PPP2R5A: variants seen among roughly 807,000 people sequenced by gnomAD.
The protein encoded by PPP2R5A is protein phosphatase 2 regulatory subunit B'alpha.
In PPP2R5A, 25 loss-of-function variants were observed where a neutral mutation model predicts 64.2. The observed-to-expected ratio is 0.39, with a 90% CI of 0.28 to 0.54. The LOEUF (loss-of-function observed/expected upper bound fraction) is 0.54, where lower values mean the gene tolerates loss of function less well. PPP2R5A is among the 20% of genes least tolerant of loss of function. The pLI, the probability that PPP2R5A is intolerant of heterozygous loss-of-function variation, is 0.67. For missense variants in PPP2R5A, 425 were observed against 576.3 expected, an observed-to-expected ratio of 0.74 and a Z score of 2.69; for synonymous variants, 198 against 201.2, an observed-to-expected ratio of 0.98 and a Z score of 0.13.
chr1:212,291,635 A>G (rs1441901420), intron 1 of PPP2R5A, among the ~76,000 whole-genome samples: 1 of 152,194 alleles, frequency 6.6e-6, no homozygotes, highest in East Asian at 1.9e-4. Context: ...CAGCCTATTA[A>G]CATTTCCTGC....
At chr1:212,314,501 G>A (rs77264571) in intron 1 of PPP2R5A, among the ~76,000 whole-genome samples, 10,164 of 151,236 alleles carry the variant, frequency 0.067, 1,122 homozygotes, top group African/African-American at 0.23. Flanking sequence ...GCCTCAAGCA[G>A]TCCTCCCACT....
In PPP2R5A at chr1:212,358,794, G is replaced by T; in HGVS notation, c.1328+7G>T. Reference sequence around the variant, plus strand: ...ACAAAGCTGAAAGACAGAGGTATTTGATATTTTGAATTACAAAATTATCTA... The same window carrying T: ...ACAAAGCTGAAAGACAGAGGTATTTTATATTTTGAATTACAAAATTATCTA... On this transcript the variant is annotated splice_region_variant and intron_variant, in intron 12 of 12. Transcript: ENST00000261461. 2 of 1,602,034 alleles carry T rather than the reference G, an allele frequency of 1.2e-6. No individual in the cohort carries two copies. Among genetic ancestry groups the T allele is most frequent in the South Asian group, 2.2e-5 (2 of 90,304 alleles).
chr1:212,361,535 G>A lies in PPP2R5A; in HGVS notation c.*765G>A, dbSNP rs1301527327. ...AAAGGCTGAAGGCAGGGCCTTTCCA[G>A]TCCTCACAACCTGTCCTTCACCTAG... is the stretch of plus-strand genomic sequence containing the variant. On this transcript the variant is annotated 3_prime_UTR_variant, in exon 13 of 13. Transcript: ENST00000261461. 1 of 152,670 alleles carries A rather than the reference G, an allele frequency of 6.6e-6. No homozygotes were observed. The highest frequency in any genetic ancestry group is 1.5e-5 in the Non-Finnish European group (1 of 68,062). The allele number at this position is 152,670 out of a possible 1,614,324, so 9.5% of individuals were successfully genotyped here.
intron 11 of PPP2R5A, chr1:212,358,190 C>T (rs1571615686): frequency 6.6e-6 from 1 of 152,348 alleles, no homozygotes; most frequent in Admixed American, 6.5e-5. Flanking sequence ...AGAGGATACA[C>T]AAACTACTCC....
intron 1 of PPP2R5A, among the ~76,000 whole-genome samples, chr1:212,298,916 C>T (rs1341279621): frequency 3.6e-5 from 1 of 27,962 alleles, no homozygotes; most frequent in Non-Finnish European, 6.7e-5. Flanking sequence ...GGCGGCTGGC[C>T]GGGCGGGGGG....
intron 1 of PPP2R5A, among the ~76,000 whole-genome samples, chr1:212,298,092 C>A: frequency 2.4e-5 from 1 of 41,378 alleles, no homozygotes; most frequent in Non-Finnish European, 4.4e-5. Context: ...CCATCTAACC[C>A]TGAGTGGACA....
chr1:212,349,047 C>T (rs1304032831), intron 7 of PPP2R5A, 142 bp from the exon 8 acceptor site: 6 of 458,458 alleles, frequency 1.3e-5, no homozygotes, highest in African/African-American at 2.0e-5. Context: ...TTCACAATTT[C>T]ATTCACAGTT....
At chr1:212,343,492 A>G (rs1405362722) in intron 4 of PPP2R5A, among the ~76,000 whole-genome samples, 2 of 152,222 alleles carry the variant, frequency 1.3e-5, no homozygotes, top group Admixed American at 6.5e-5. Context: ...TTGGTCATTC[A>G]TAACTACCCT....
intron 1 of PPP2R5A, among the ~76,000 whole-genome samples, chr1:212,296,833 G>A (rs1658699254): frequency 6.6e-6 from 1 of 152,176 alleles, no homozygotes; most frequent in Non-Finnish European, 1.5e-5. Flanking sequence ...TTATAACTGA[G>A]TAATGTTTAC....
chr1:212,344,889 C>T (rs928581314), intron 4 of PPP2R5A, among the ~76,000 whole-genome samples: 1 of 152,078 alleles, frequency 6.6e-6, no homozygotes, highest in African/African-American at 2.4e-5. Context: ...ATGGGCTGGG[C>T]ATAGTGGCTC....
At chr1:212,291,031 G>T (rs1204788012) in intron 1 of PPP2R5A, among the ~76,000 whole-genome samples, 2 of 152,148 alleles carry the variant, frequency 1.3e-5, no homozygotes, top group Admixed American at 6.5e-5. Context: ...AAAAGCTGGG[G>T]ATAAAGACTA....
intron 3 of PPP2R5A, among the ~76,000 whole-genome samples, chr1:212,340,754 T>C (rs1659672741): frequency 6.6e-6 from 1 of 152,142 alleles, no homozygotes. Flanking sequence ...TCAAGCAAAA[T>C]TGTATTTGCT....
chr1:212,343,213 A>C (rs1408276056), intron 4 of PPP2R5A, among the ~76,000 whole-genome samples: 1 of 152,118 alleles, frequency 6.6e-6, no homozygotes, highest in Non-Finnish European at 1.5e-5. Context: ...TCAGCCTCCT[A>C]AAGAGCTAGG....
chr1:212,297,091 T>C (rs1462798880), intron 1 of PPP2R5A, among the ~76,000 whole-genome samples: 2 of 133,450 alleles, frequency 1.5e-5, no homozygotes, highest in East Asian at 4.4e-4. Flanking sequence ...TTTTCTTTGC[T>C]TCTTCTTTTT....
chr1:212,309,122 C>T, intron 1 of PPP2R5A: 1 of 1,016,058 alleles, frequency 9.8e-7, no homozygotes. Flanking sequence ...GCCTTCTTCT[C>T]TCCATCAGGC....
At chr1:212,331,958 C>G (rs1203442805) in intron 2 of PPP2R5A, among the ~76,000 whole-genome samples, 1 of 152,164 alleles carries the variant, frequency 6.6e-6, no homozygotes, top group African/African-American at 2.4e-5. Flanking sequence ...TCTTGAAGCT[C>G]TTCTGAATAT....
intron 1 of PPP2R5A, among the ~76,000 whole-genome samples, chr1:212,321,298 G>T (rs1659284632): frequency 1.4e-5 from 2 of 146,346 alleles, no homozygotes; most frequent in Admixed American, 6.7e-5. Context: ...TCCCGGACGG[G>T]GCGGCTGGCC....
At chr1:212,318,011 C>T (rs567863029) in intron 1 of PPP2R5A, among the ~76,000 whole-genome samples, 13 of 151,890 alleles carry the variant, frequency 8.6e-5, no homozygotes, top group Admixed American at 4.6e-4. Flanking sequence ...TTGAAAAAGA[C>T]GTAAGAATTT....
chr1:212,320,829 C>T, intron 1 of PPP2R5A, among the ~76,000 whole-genome samples: 2 of 139,250 alleles, frequency 1.4e-5, no homozygotes, highest in South Asian at 2.3e-4. Context: ...CCCCACCTCC[C>T]TCCTGGACGG....
Sources: allele counts gnomAD v4.1 joint callset (sites outside exome capture counted in the v4.1 genomes callset), GRCh38; gene constraint gnomAD v4.1.1; transcripts MANE v1.5; gene names NCBI Gene and HGNC (gene_info 2026-07-23, HGNC 2026-07-21).